FSTL5: variants seen among roughly 807,000 people sequenced by gnomAD.
The protein encoded by FSTL5 is follistatin like 5.
A neutral mutation model predicts 89.1 loss-of-function variants in FSTL5; 62 were observed. That is an observed-to-expected ratio of 0.70 (90% CI 0.57 to 0.86). FSTL5 has a LOEUF of 0.86. Ranked by LOEUF, FSTL5 falls within the 40% of genes least tolerant of loss-of-function variation. The pLI, the probability that FSTL5 is intolerant of heterozygous loss-of-function variation, is 0.00. For synonymous variants in FSTL5, 383 were observed against 346.2 expected, an observed-to-expected ratio of 1.11 and a Z score of -1.18; for missense variants, 1,057 against 1,001.6, an observed-to-expected ratio of 1.06 and a Z score of -0.75.
intron 4 of FSTL5, among the ~76,000 whole-genome samples, chr4:161,799,985 T>C (rs970858992): frequency 6.6e-6 from 1 of 151,726 alleles, no homozygotes; most frequent in Admixed American, 6.6e-5. Flanking sequence ...ATCACACAGA[T>C]GTAGTACAGA....
Position 161,915,089 on chromosome 4 carries a change from A to C in FSTL5, c.409+5315T>G, listed in dbSNP as rs182605193. On this transcript the variant is annotated intron_variant, in intron 4 of 15. Transcript: ENST00000306100. ...GCCTCTGCCCTTTGGTTCCTGTCCC[A>C]GTTCAGGTTAACTTACTGTGAGAAT... 3.1e-3 allele frequency among the ~76,000 whole-genome samples: 477 copies of C among 152,322 alleles called. 1 individual carries two copies. Among genetic ancestry groups the C allele is most frequent in the African/African-American group, 0.011 (467 of 41,562 alleles).
intron 12 of FSTL5, among the ~76,000 whole-genome samples, chr4:161,490,285 T>A (rs1729821262): frequency 6.6e-6 from 1 of 152,108 alleles, no homozygotes; most frequent in Admixed American, 6.5e-5. Flanking sequence ...TAAATGTTTC[T>A]CTCTCCTTTT....
At chr4:161,510,340 C>A (rs1470983778) in intron 11 of FSTL5, 58 bp downstream of exon 11, 4 of 1,039,930 alleles carry the variant, frequency 3.8e-6, no homozygotes, top group African/African-American at 3.3e-5. Context: ...ATATAATCAA[C>A]AAATCTAATA....
intron 6 of FSTL5, among the ~76,000 whole-genome samples, chr4:161,673,668 T>G (rs559156772): frequency 2.0e-5 from 3 of 152,170 alleles, no homozygotes; most frequent in Non-Finnish European, 4.4e-5. Context: ...CAAAGTATAG[T>G]TCTAGTGTCA....
intron 8 of FSTL5, among the ~76,000 whole-genome samples, chr4:161,579,127 T>C (rs983601743): frequency 6.6e-6 from 1 of 152,210 alleles, no homozygotes; most frequent in African/African-American, 2.4e-5. Context: ...TGGAACAATA[T>C]ACTGTGTGTT....
chr4:161,628,606 A>C (rs949585192), intron 7 of FSTL5, among the ~76,000 whole-genome samples: 5 of 152,232 alleles, frequency 3.3e-5, no homozygotes, highest in Non-Finnish European at 4.4e-5. Flanking sequence ...CAAAAAGGAC[A>C]TCTGAGATCA....
intron 3 of FSTL5, among the ~76,000 whole-genome samples, chr4:162,004,843 A>G (rs1052721710): frequency 3.9e-5 from 6 of 152,114 alleles, no homozygotes; most frequent in African/African-American, 1.4e-4. Context: ...TCCCTGGCAT[A>G]CAGTGGACAT....
intron 8 of FSTL5, among the ~76,000 whole-genome samples, chr4:161,585,076 A>C (rs1182667077): frequency 6.6e-6 from 1 of 152,182 alleles, no homozygotes; most frequent in Non-Finnish European, 1.5e-5. Context: ...CATCTTCAGA[A>C]AAACCCGAGA....
chr4:161,597,212 G>A (rs1392430287), intron 7 of FSTL5, among the ~76,000 whole-genome samples: 2 of 152,074 alleles, frequency 1.3e-5, no homozygotes, highest in Non-Finnish European at 2.9e-5. Flanking sequence ...TTTGTATAAG[G>A]TGTAATGAAG....
chr4:162,138,950 TTAAA>T (rs1457484097), intron 1 of FSTL5, among the ~76,000 whole-genome samples: 4 of 152,140 alleles, frequency 2.6e-5, no homozygotes, highest in African/African-American at 4.8e-5. Context: ...TAAATAATAC[TTAAA>T]TAAATGGAAA....
intron 13 of FSTL5, among the ~76,000 whole-genome samples, chr4:161,460,670 A>G (rs1368183879): frequency 6.6e-6 from 1 of 152,200 alleles, no homozygotes; most frequent in African/African-American, 2.4e-5. Context: ...CATTTTGCCT[A>G]TTTAACATTC....
chr4:161,923,618 G>C lies in FSTL5; in HGVS notation c.161-2966C>G, dbSNP rs367667096. ...TTTGTTTATTTTAGTATTGAAGAATGAGCTAATGTTTTAAGAGTCTGATCA... is the reference window on the plus strand; with the variant it reads ...TTTGTTTATTTTAGTATTGAAGAATCAGCTAATGTTTTAAGAGTCTGATCA... On this transcript the variant is annotated intron_variant, in intron 3 of 15. Coordinates refer to ENST00000306100, the MANE Select transcript of FSTL5 (RefSeq NM_020116.5). Among the ~76,000 whole-genome samples the C allele has an allele frequency of 2.8e-4, 42 of 151,604 alleles. 1 individual carries two copies. In the Admixed American group the frequency reaches 2.8e-3, roughly 10 times the overall value.
intron 4 of FSTL5, among the ~76,000 whole-genome samples, chr4:161,845,601 C>T (rs1162951910): frequency 2.0e-5 from 3 of 152,202 alleles, no homozygotes; most frequent in African/African-American, 7.2e-5. Context: ...AATGTAATTA[C>T]AAAGAAGCTC....
intron 1 of FSTL5, among the ~76,000 whole-genome samples, chr4:162,159,381 CT>C (rs1733605850): frequency 6.6e-6 from 1 of 151,882 alleles, no homozygotes; most frequent in Non-Finnish European, 1.5e-5. Context: ...AAATCTTTTG[CT>C]TTGGAATTGT....
chr4:161,951,733 G>A (rs929772907), intron 3 of FSTL5, among the ~76,000 whole-genome samples: 7 of 151,914 alleles, frequency 4.6e-5, no homozygotes, highest in Admixed American at 3.9e-4. Context: ...AATGTATTAA[G>A]ATCTATTACT....
intron 8 of FSTL5, among the ~76,000 whole-genome samples, chr4:161,579,191 A>T (rs1733339797): frequency 6.6e-6 from 1 of 152,214 alleles, no homozygotes; most frequent in Non-Finnish European, 1.5e-5. Context: ...AAGGATGAAA[A>T]TGGCAGAGAT....
At position 162,027,381 on chromosome 4, in the gene FSTL5, G is replaced by A. The variant is rs537117268; in HGVS notation, c.160+6244C>T. On this transcript the variant is annotated intron_variant, in intron 3 of 15. Transcript: ENST00000306100. Reference sequence around the variant, plus strand: ...AATGTTTTATAGAATTGTTAATTTTGAACAATTGCTAATTATTCATGGTTT... The same window carrying A: ...AATGTTTTATAGAATTGTTAATTTTAAACAATTGCTAATTATTCATGGTTT... Among the ~76,000 whole-genome samples the A allele has an allele frequency of 7.9e-5, 12 of 152,050 alleles. No individual in the cohort carries two copies. The East Asian group carries it at 2.3e-3, about 29-fold the overall frequency.
At chr4:161,531,519 C>G (rs530962210) in intron 10 of FSTL5, among the ~76,000 whole-genome samples, 1 of 152,210 alleles carries the variant, frequency 6.6e-6, no homozygotes, top group East Asian at 1.9e-4. Flanking sequence ...CTTTCAAAAA[C>G]AGAAGAAAAG....
intron 1 of FSTL5, among the ~76,000 whole-genome samples, chr4:162,141,755 T>C (rs181631561): frequency 1.3e-5 from 2 of 152,214 alleles, no homozygotes; most frequent in African/African-American, 4.8e-5. Context: ...GATATTCAAA[T>C]GTATATGTAG....
Sources: allele counts gnomAD v4.1 joint callset (sites outside exome capture counted in the v4.1 genomes callset), GRCh38; gene constraint gnomAD v4.1.1; transcripts MANE v1.5; gene names NCBI Gene and HGNC (gene_info 2026-07-23, HGNC 2026-07-21).